The following NRXN1 variants were observed in gnomAD, a reference collection of about 807,000 sequenced individuals.
NRXN1 encodes neurexin 1.
A neutral mutation model predicts 150.9 loss-of-function variants in NRXN1; 39 were observed. That is an observed-to-expected ratio of 0.26 (90% CI 0.20 to 0.34). NRXN1 has a LOEUF of 0.34. NRXN1 is among the 10% of genes least tolerant of loss of function. The probability of loss-of-function intolerance (pLI) is 1.00; values close to 1 mark genes in which losing one functional copy is unlikely to be tolerated. For missense variants in NRXN1, 1,815 were observed against 1,949.9 expected (o/e 0.93, Z 1.30); for synonymous variants, 924 against 757.0 (o/e 1.22, Z -3.62).
chr2:49,996,942 A>C (rs1334603942), intron 21 of NRXN1, among the ~76,000 whole-genome samples: 1 of 152,154 alleles, frequency 6.6e-6, no homozygotes, highest in African/African-American at 2.4e-5. Context: ...CTCTTGGTGT[A>C]CCTCAACTTT....
rs558431952 is a variant in NRXN1, at chr2:50,243,135, A to G, written c.3365-6165T>C. Among the ~76,000 whole-genome samples, 21 of 151,910 alleles carry G rather than the reference A, an allele frequency of 1.4e-4. No individual in the cohort carries two copies. In the East Asian group the frequency reaches 4.1e-3, roughly 29 times the overall value. ...GGGTGACTATGGTTAATATTATTAT[A>G]TTGTAAATTTCAAAATAGCTAGGAG... is the stretch of plus-strand genomic sequence containing the variant. On this transcript the variant is annotated intron_variant, in intron 17 of 22. Transcript: ENST00000401669.
At chr2:50,203,733 T>C (rs1161330076) in intron 18 of NRXN1, among the ~76,000 whole-genome samples, 1 of 152,118 alleles carries the variant, frequency 6.6e-6, no homozygotes, top group Admixed American at 6.6e-5. Flanking sequence ...ATTTGTGTTA[T>C]ATTACATGCA....
At chr2:50,460,137 T>C (rs1240563913) in intron 17 of NRXN1, among the ~76,000 whole-genome samples, 1 of 152,066 alleles carries the variant, frequency 6.6e-6, no homozygotes, top group Admixed American at 6.6e-5. Context: ...TGAGATAGGA[T>C]AGTGTTACCA....
chr2:50,074,322 G>T (rs1047880582), intron 19 of NRXN1, among the ~76,000 whole-genome samples: 1 of 152,010 alleles, frequency 6.6e-6, no homozygotes, highest in Non-Finnish European at 1.5e-5. Context: ...TAAATCTCAC[G>T]AAATCTTGCT....
At chr2:50,711,979 G>A (rs1258758843) in intron 5 of NRXN1, among the ~76,000 whole-genome samples, 1 of 152,142 alleles carries the variant, frequency 6.6e-6, no homozygotes. Flanking sequence ...ATAATTTTCT[G>A]TTCATATAAA....
chr2:50,407,510 G>A (rs933547399), intron 17 of NRXN1, among the ~76,000 whole-genome samples: 1 of 152,028 alleles, frequency 6.6e-6, no homozygotes, highest in African/African-American at 2.4e-5. Context: ...CAAAACTCAC[G>A]TTGAAATTTT....
chr2:50,259,426 G>C (rs1402740288), intron 17 of NRXN1, among the ~76,000 whole-genome samples: 1 of 151,806 alleles, frequency 6.6e-6, no homozygotes, highest in East Asian at 1.9e-4. Context: ...TGTTATGTTA[G>C]AATTTAGCTA....
chr2:50,126,804 T>C (rs1044274592), intron 18 of NRXN1, among the ~76,000 whole-genome samples: 2 of 152,118 alleles, frequency 1.3e-5, no homozygotes, highest in Non-Finnish European at 2.9e-5. Context: ...CATTGCTGCC[T>C]GTCCCAAAAA....
intron 5 of NRXN1, among the ~76,000 whole-genome samples, chr2:50,775,833 T>A (rs185619172): frequency 2.6e-5 from 4 of 152,262 alleles, no homozygotes; most frequent in Non-Finnish European, 4.4e-5. Context: ...TCAACTTTTT[T>A]ATGTAAATGT....
intron 18 of NRXN1, among the ~76,000 whole-genome samples, chr2:50,094,708 G>C (rs1699996711): frequency 6.6e-6 from 1 of 150,646 alleles, no homozygotes; most frequent in African/African-American, 2.4e-5. Context: ...ATTGTATCCT[G>C]TTTAGCAGGG....
intron 18 of NRXN1, among the ~76,000 whole-genome samples, chr2:50,099,578 C>CATT (rs199967071): frequency 2.0e-5 from 3 of 151,940 alleles, no homozygotes; most frequent in East Asian, 1.9e-4. Context: ...TAGCTATTAG[C>CATT]ATTATTATTA....
chr2:50,687,496 A>ACT (rs757222195), intron 5 of NRXN1, among the ~76,000 whole-genome samples: 1 of 152,208 alleles, frequency 6.6e-6, no homozygotes, highest in East Asian at 1.9e-4. Context: ...TTCAGCTGTC[A>ACT]CTTTGGCTGT....
intron 12 of NRXN1, among the ~76,000 whole-genome samples, chr2:50,511,500 A>C (rs1321935862): frequency 6.6e-6 from 1 of 152,238 alleles, no homozygotes; most frequent in East Asian, 1.9e-4. Context: ...ATGGTACAAC[A>C]GCCAAATTTT....
chr2:50,430,811 C>T (rs1271007601), intron 17 of NRXN1, among the ~76,000 whole-genome samples: 1 of 152,022 alleles, frequency 6.6e-6, no homozygotes, highest in Non-Finnish European at 1.5e-5. Context: ...TCCTTACTAC[C>T]ATTTGGACAC....
chr2:50,922,757 C>T (rs1686245051), intron 3 of NRXN1, 70 bp from the exon 4 acceptor site: 1 of 1,444,576 alleles, frequency 6.9e-7, no homozygotes, highest in African/African-American at 1.4e-5. Context: ...GTCACGGTGA[C>T]AAAAATGTTC....
intron 17 of NRXN1, among the ~76,000 whole-genome samples, chr2:50,401,005 C>T (rs373245106): frequency 1.3e-5 from 2 of 152,032 alleles, no homozygotes; most frequent in African/African-American, 4.8e-5. Flanking sequence ...CTGAGAAGTG[C>T]CCACTCTAAT....
At chr2:50,598,802 G>A (rs1675747008) in intron 8 of NRXN1, among the ~76,000 whole-genome samples, 1 of 150,734 alleles carries the variant, frequency 6.6e-6, no homozygotes, top group African/African-American at 2.4e-5. Flanking sequence ...GTGTTGCCCA[G>A]GCTGGAGTGC....
chr2:50,422,735 T>G (rs895433034), intron 17 of NRXN1, among the ~76,000 whole-genome samples: 3 of 152,160 alleles, frequency 2.0e-5, no homozygotes, highest in Non-Finnish European at 4.4e-5. Flanking sequence ...ATTGTCTGCT[T>G]AACCGTAGCA....
intron 5 of NRXN1, among the ~76,000 whole-genome samples, chr2:50,671,877 G>T (rs1688902996): frequency 6.6e-6 from 1 of 151,656 alleles, no homozygotes; most frequent in African/African-American, 2.4e-5. Context: ...TTATGATAGG[G>T]ACAAACCCAA....
Sources: allele counts gnomAD v4.1 joint callset (sites outside exome capture counted in the v4.1 genomes callset), GRCh38; gene constraint gnomAD v4.1.1; transcripts MANE v1.5; gene names NCBI Gene and HGNC (gene_info 2026-07-23, HGNC 2026-07-21).